Variants in HECW1 observed in about 807,000 individuals in gnomAD.
HECW1 encodes the protein E3 ubiquitin-protein ligase HECW1.
Under a neutral mutation model 182.3 loss-of-function variants are expected in HECW1, and 61 were observed. That is an observed-to-expected ratio of 0.33 (90% CI 0.27 to 0.41). The LOEUF is 0.41. HECW1 is among the 10% of genes least tolerant of loss of function. HECW1 has a pLI of 1.00. For synonymous variants in HECW1, 859 were observed against 832.6 expected, an observed-to-expected ratio of 1.03 and a Z score of -0.55; for missense variants, 1,739 against 2,108.9, an observed-to-expected ratio of 0.82 and a Z score of 3.44.
chr7:43,200,446 G>T (rs952272883), intron 2 of HECW1, among the ~76,000 whole-genome samples: 2 of 152,208 alleles, frequency 1.3e-5, no homozygotes, highest in African/African-American at 4.8e-5. Context: ...TGCAAAGCCA[G>T]TCCTCTTCAG....
chr7:43,126,715 T>C (rs1028859382), intron 2 of HECW1, among the ~76,000 whole-genome samples: 1 of 152,244 alleles, frequency 6.6e-6, no homozygotes, highest in African/African-American at 2.4e-5. Context: ...TCCAACAGCA[T>C]GTGCTCACTT....
At chr7:43,119,853 C>G (rs1413756030) in intron 2 of HECW1, among the ~76,000 whole-genome samples, 5 of 152,172 alleles carry the variant, frequency 3.3e-5, no homozygotes, top group Admixed American at 6.5e-5. Context: ...CCTCTCCATC[C>G]AGCACAGCCA....
At chr7:43,356,835 A>G (rs1487541108) in intron 5 of HECW1, among the ~76,000 whole-genome samples, 2 of 152,230 alleles carry the variant, frequency 1.3e-5, no homozygotes, top group African/African-American at 4.8e-5. Flanking sequence ...TTTTGAAACA[A>G]ATCAAATAGA....
chr7:43,526,900 G>A (rs1262245126), intron 24 of HECW1, among the ~76,000 whole-genome samples: 3 of 152,120 alleles, frequency 2.0e-5, no homozygotes, highest in Non-Finnish European at 4.4e-5. Flanking sequence ...GGAGACTAAG[G>A]CGAGAGGATC....
intron 17 of HECW1, 23 bp downstream of exon 17, chr7:43,479,767 C>G (rs1346869149): frequency 1.2e-6 from 2 of 1,613,438 alleles, no homozygotes; most frequent in Non-Finnish European, 1.7e-6. Flanking sequence ...ACACCCCGCC[C>G]TACTGTTCAC....
chr7:43,253,011 C>G (rs1416652548), intron 3 of HECW1, among the ~76,000 whole-genome samples: 6 of 152,122 alleles, frequency 3.9e-5, no homozygotes, highest in Non-Finnish European at 7.3e-5. Flanking sequence ...AGTTATTTAG[C>G]CCAGTCATTT....
intron 3 of HECW1, among the ~76,000 whole-genome samples, chr7:43,271,068 G>A (rs1213614904): frequency 6.6e-6 from 1 of 152,094 alleles, no homozygotes; most frequent in African/African-American, 2.4e-5. Flanking sequence ...ATCTAAAAAT[G>A]TCAAGGAGAT....
At chr7:43,363,867 C>A (rs577902700) in intron 6 of HECW1, among the ~76,000 whole-genome samples, 68 of 152,290 alleles carry the variant, frequency 4.5e-4, no homozygotes, top group African/African-American at 1.6e-3. Flanking sequence ...GGAGCAGAAC[C>A]ACATTTCGCT....
chr7:43,173,648 C>T (rs943121746), intron 2 of HECW1, among the ~76,000 whole-genome samples: 2 of 152,148 alleles, frequency 1.3e-5, no homozygotes, highest in African/African-American at 4.8e-5. Context: ...GAGTCTAATG[C>T]AGCCACTGAT....
chr7:43,346,157 C>T (rs972418966), intron 5 of HECW1, among the ~76,000 whole-genome samples: 3 of 152,064 alleles, frequency 2.0e-5, no homozygotes, highest in Admixed American at 6.6e-5. Context: ...CCAACATCTA[C>T]TGTTTTTTTA....
intron 22 of HECW1, 83 bp from the exon 23 acceptor site, chr7:43,507,934 TA>T: frequency 1.1e-6 from 1 of 918,212 alleles, no homozygotes; most frequent in Non-Finnish European, 1.8e-6. Flanking sequence ...AGTGAGAACC[TA>T]AACCTGGACT....
intron 2 of HECW1, among the ~76,000 whole-genome samples, chr7:43,134,878 G>A (rs924288972): frequency 2.6e-5 from 4 of 152,140 alleles, no homozygotes; most frequent in Non-Finnish European, 5.9e-5. Context: ...AGATAATCTG[G>A]ATTGTTTTTC....
intron 21 of HECW1, among the ~76,000 whole-genome samples, chr7:43,506,225 A>G (rs937742016): frequency 1.3e-5 from 2 of 152,226 alleles, no homozygotes; most frequent in African/African-American, 4.8e-5. Flanking sequence ...TTGAGCATCA[A>G]TATCAATACA....
intron 3 of HECW1, among the ~76,000 whole-genome samples, chr7:43,304,378 T>A (rs1284567254): frequency 6.6e-6 from 1 of 152,182 alleles, no homozygotes; most frequent in East Asian, 1.9e-4. Flanking sequence ...CAAGAATTCC[T>A]GAGCTCAAGG....
At chr7:43,275,708 G>GCACA (rs146476821) in intron 3 of HECW1, among the ~76,000 whole-genome samples, 8,951 of 145,976 alleles carry the variant, frequency 0.061, 313 homozygotes, top group Middle Eastern at 0.099. Context: ...TTATGCGCAC[G>GCACA]CACACACACA....
intron 6 of HECW1, among the ~76,000 whole-genome samples, chr7:43,375,568 A>T (rs2074289274): frequency 6.6e-6 from 1 of 152,188 alleles, no homozygotes; most frequent in South Asian, 2.1e-4. Flanking sequence ...TAAATAAAAA[A>T]TAATAAAGAG....
intron 17 of HECW1, among the ~76,000 whole-genome samples, chr7:43,486,590 C>T (rs926451079): frequency 2.0e-5 from 3 of 152,166 alleles, no homozygotes; most frequent in Admixed American, 1.3e-4. Context: ...CGTGAGCCAC[C>T]GTGCCTGGCC....
At position 43,312,002 on chromosome 7, in the gene HECW1, C is replaced by T. The variant is rs758391305; in HGVS notation, c.267C>T (p.Ser89=). The T allele has an allele frequency of 6.2e-6, 10 of 1,614,032 alleles. No homozygotes were observed. The highest frequency in any genetic ancestry group is 8.5e-7 in the Non-Finnish European group (1 of 1,179,974). Residue 89 remains serine, a synonymous_variant, in exon 4 of 30, where the codon TCC becomes TCT. Coordinates refer to ENST00000395891, the MANE Select transcript of HECW1 (RefSeq NM_015052.5). ...TCATGGTCAGCAGCTCCTACTATTCCATCGGGCACTCTCAGGACCTGGTCA... is the reference window on the plus strand; with the variant it reads ...TCATGGTCAGCAGCTCCTACTATTCTATCGGGCACTCTCAGGACCTGGTCA... ...STLMVSSSYY[S]IGHSQDLVIH... is the part of the protein sequence containing the mutation.
intron 3 of HECW1, among the ~76,000 whole-genome samples, chr7:43,281,782 T>C (rs536738288): frequency 4.0e-4 from 59 of 149,260 alleles, no homozygotes; most frequent in African/African-American, 1.4e-3. Flanking sequence ...TAGTCTCTTG[T>C]ATTCCTGGCC....
Sources: allele counts gnomAD v4.1 joint callset (sites outside exome capture counted in the v4.1 genomes callset), GRCh38; gene constraint gnomAD v4.1.1; transcripts MANE v1.5; gene names NCBI Gene and HGNC (gene_info 2026-07-23, HGNC 2026-07-21).